SERGEF: variants seen among roughly 807,000 people sequenced by gnomAD.
SERGEF encodes the protein secretion-regulating guanine nucleotide exchange factor.
Under a neutral mutation model 50.0 loss-of-function variants are expected in SERGEF, and 51 were observed. The observed-to-expected ratio is 1.02, with a 90% CI of 0.81 to 1.29. SERGEF has a LOEUF of 1.29. Among genes scored for constraint, SERGEF ranks in the 50% most tolerant of loss-of-function variants. SERGEF has a pLI of 0.00. For missense variants in SERGEF, 521 were observed against 557.0 expected (o/e 0.94, Z 0.65); for synonymous variants, 205 against 212.4 (o/e 0.97, Z 0.30).
intron 9 of SERGEF, among the ~76,000 whole-genome samples, chr11:17,948,875 T>C (rs1225546200): frequency 6.6e-6 from 1 of 152,222 alleles, no homozygotes; most frequent in Non-Finnish European, 1.5e-5. Flanking sequence ...CTGCTACCCA[T>C]AGCCAGTCTC....
At chr11:17,942,459 T>C (rs867917480) in intron 9 of SERGEF, among the ~76,000 whole-genome samples, 4 of 152,216 alleles carry the variant, frequency 2.6e-5, no homozygotes, top group Non-Finnish European at 4.4e-5. Flanking sequence ...TTTTTGAACG[T>C]TGATTTTGTA....
chr11:17,830,576 G>A (rs574123680), intron 10 of SERGEF, among the ~76,000 whole-genome samples: 2 of 149,320 alleles, frequency 1.3e-5, no homozygotes, highest in African/African-American at 5.0e-5. Context: ...AAGAGAGGGA[G>A]AGAGATGGGG....
chr11:17,837,227 A>C (rs1171277419), intron 10 of SERGEF, among the ~76,000 whole-genome samples: 2 of 152,174 alleles, frequency 1.3e-5, no homozygotes, highest in Admixed American at 6.5e-5. Flanking sequence ...CTAATTGAGT[A>C]CTACAGCACT....
intron 9 of SERGEF, among the ~76,000 whole-genome samples, chr11:17,906,287 G>C (rs1297116897): frequency 6.6e-6 from 1 of 152,190 alleles, no homozygotes; most frequent in Admixed American, 6.5e-5. Flanking sequence ...TCAGCCTCCT[G>C]ACAAAACCAG....
chr11:18,005,892 C>A (rs1353503722), intron 3 of SERGEF, among the ~76,000 whole-genome samples: 1 of 152,218 alleles, frequency 6.6e-6, no homozygotes, highest in Non-Finnish European at 1.5e-5. Context: ...GCTTTGGCAA[C>A]CACTATTGCC....
intron 8 of SERGEF, among the ~76,000 whole-genome samples, chr11:17,973,761 T>C (rs938918936): frequency 6.6e-6 from 1 of 152,126 alleles, no homozygotes; most frequent in Non-Finnish European, 1.5e-5. Context: ...CACCCCATAT[T>C]TGAGAACTCT....
At chr11:17,974,000 G>A (rs1388982046) in intron 8 of SERGEF, among the ~76,000 whole-genome samples, 4 of 152,236 alleles carry the variant, frequency 2.6e-5, no homozygotes, top group Non-Finnish European at 1.5e-5. Context: ...GGGGTTGGGA[G>A]AGGTTTGGGG....
chr11:17,927,526 C>G (rs1382697510), intron 9 of SERGEF, among the ~76,000 whole-genome samples: 1 of 152,208 alleles, frequency 6.6e-6, no homozygotes, highest in Non-Finnish European at 1.5e-5. Context: ...AAATGATGAC[C>G]TGAGTGTTGG....
chr11:17,956,651 A>C (rs1010004126), intron 9 of SERGEF, among the ~76,000 whole-genome samples: 2 of 151,850 alleles, frequency 1.3e-5, no homozygotes, highest in African/African-American at 4.8e-5. Context: ...ATCCTTCTGG[A>C]CCCTTCTTTG....
At chr11:17,957,460 A>G (rs1027902824) in intron 9 of SERGEF, among the ~76,000 whole-genome samples, 1 of 152,162 alleles carries the variant, frequency 6.6e-6, no homozygotes, top group Admixed American at 6.5e-5. Flanking sequence ...CTACTATACT[A>G]CCTGACCACA....
At chr11:17,820,840 A>G (rs1166398944) in intron 10 of SERGEF, among the ~76,000 whole-genome samples, 1 of 152,202 alleles carries the variant, frequency 6.6e-6, no homozygotes, top group Non-Finnish European at 1.5e-5. Flanking sequence ...CAGACAAAAG[A>G]GGAGGAGGCA....
chr11:17,927,331 T>C (rs1034751852), intron 9 of SERGEF, among the ~76,000 whole-genome samples: 2 of 152,146 alleles, frequency 1.3e-5, no homozygotes, highest in African/African-American at 4.8e-5. Flanking sequence ...CTGCTTAAGA[T>C]CCCGTGGTAA....
At chr11:17,971,479 C>T (rs1853248033) in intron 8 of SERGEF, among the ~76,000 whole-genome samples, 1 of 152,226 alleles carries the variant, frequency 6.6e-6, no homozygotes, top group Non-Finnish European at 1.5e-5. Context: ...TCAGTGTACT[C>T]TGCCTGTGCT....
chr11:17,791,504 A>C (rs1173839782), intron 10 of SERGEF, among the ~76,000 whole-genome samples: 3 of 152,224 alleles, frequency 2.0e-5, no homozygotes, highest in Non-Finnish European at 4.4e-5. Flanking sequence ...TTTAATATGT[A>C]CTTTTTGGAC....
chr11:17,846,712 C>G (rs1316043012), intron 10 of SERGEF: 1 of 456,108 alleles, frequency 2.2e-6, no homozygotes, highest in Non-Finnish European at 4.4e-6. Context: ...TCTGCAACTC[C>G]ATTTCCACAT....
intron 9 of SERGEF, among the ~76,000 whole-genome samples, chr11:17,912,831 C>T (rs1339655667): frequency 3.3e-5 from 5 of 152,294 alleles, no homozygotes; most frequent in African/African-American, 1.2e-4. Flanking sequence ...CAAGTCACAG[C>T]CTTCATATTT....
intron 9 of SERGEF, among the ~76,000 whole-genome samples, chr11:17,950,409 G>A (rs756149268): frequency 1.3e-5 from 2 of 152,120 alleles, no homozygotes; most frequent in Non-Finnish European, 2.9e-5. Flanking sequence ...ATAGAAAGTC[G>A]CTATCTAATA....
chr11:17,928,608 A>C (rs1852293095), intron 9 of SERGEF, among the ~76,000 whole-genome samples: 1 of 152,288 alleles, frequency 6.6e-6, no homozygotes, highest in African/African-American at 2.4e-5. Context: ...TGAGTGAATG[A>C]ATGAACGAAC....
intron 9 of SERGEF, among the ~76,000 whole-genome samples, chr11:17,886,061 GC>G (rs1851422766): frequency 6.6e-6 from 1 of 152,016 alleles, no homozygotes; most frequent in South Asian, 2.1e-4. Context: ...AAGTCCTGAT[GC>G]CCCCCGCCCC....
Sources: allele counts gnomAD v4.1 joint callset (sites outside exome capture counted in the v4.1 genomes callset), GRCh38; gene constraint gnomAD v4.1.1; transcripts MANE v1.5; gene names NCBI Gene and HGNC (gene_info 2026-07-23, HGNC 2026-07-21).